BNC2: variants seen among roughly 807,000 people sequenced by gnomAD.
The protein encoded by BNC2 is zinc finger protein basonuclin-2.
In BNC2, 20 loss-of-function variants were observed where a neutral mutation model predicts 76.3. The observed-to-expected ratio is 0.26, with a 90% CI of 0.18 to 0.38. The LOEUF (loss-of-function observed/expected upper bound fraction) is 0.38, where lower values mean the gene tolerates loss of function less well. Ranked by LOEUF, BNC2 falls within the 10% of genes least tolerant of loss-of-function variation. BNC2 has a pLI of 1.00. For missense variants in BNC2, 1,382 were observed against 1,399.8 expected, an observed-to-expected ratio of 0.99 and a Z score of 0.20; for synonymous variants, 582 against 514.8, an observed-to-expected ratio of 1.13 and a Z score of -1.77.
At chr9:16,482,518 A>G (rs1587080575) in intron 5 of BNC2, among the ~76,000 whole-genome samples, 1 of 152,214 alleles carries the variant, frequency 6.6e-6, no homozygotes, top group Admixed American at 6.5e-5. Context: ...CTATTTTGAC[A>G]GTTTAAATTG....
intron 5 of BNC2, among the ~76,000 whole-genome samples, chr9:16,539,628 AGGG>A (rs1563830744): frequency 6.0e-4 from 22 of 36,884 alleles, no homozygotes; most frequent in African/African-American, 3.2e-3. Context: ...GAAGGGAGGG[AGGG>A]AGCGAGGGAG....
chr9:16,419,278 T>G lies in BNC2; in HGVS notation c.3011A>C (p.His1004Pro). ...AGGGAGGGCAGGGGCCTCGGCCTTG[T>G]GTGCCGACTCCCCACTGTCACTCGC... The part of the protein sequence containing the change: ...DGASDSGESA[H>P]KAEAPALPGS... Residue 1004 changes from histidine (H) to proline (P), a missense_variant, in exon 7 of 7, where the codon CAC becomes CCC. His to Pro is a moderately conservative substitution (Grantham distance 77). This residue lies in a region of BNC2 where 798 missense variants were observed against 775.5 expected (regional missense o/e 1.03). Coordinates refer to ENST00000380672, the MANE Select transcript of BNC2 (RefSeq NM_017637.6). 3 of 1,614,174 alleles carry G rather than the reference T, an allele frequency of 1.9e-6. No homozygotes were observed. Among genetic ancestry groups the G allele is most frequent in the Non-Finnish European group, 2.5e-6 (3 of 1,180,020 alleles).
chr9:16,858,697 T>A (rs904550717), intron 1 of BNC2, among the ~76,000 whole-genome samples: 4 of 149,210 alleles, frequency 2.7e-5, no homozygotes, highest in African/African-American at 9.7e-5. Flanking sequence ...TACAAAAAAA[T>A]TAGCCAGGCA....
chr9:16,665,434 A>AAAAGAAAG (rs56038950), intron 3 of BNC2, among the ~76,000 whole-genome samples: 7,328 of 116,048 alleles, frequency 0.063, 312 homozygotes, highest in Non-Finnish European at 0.079. Context: ...GAAAGGAAAG[A>AAAAGAAAG]AAAGAAAGAA....
intron 5 of BNC2, among the ~76,000 whole-genome samples, chr9:16,520,076 C>T (rs12345489): frequency 0.12 from 17,951 of 152,226 alleles, 3,199 homozygotes; most frequent in African/African-American, 0.38. Flanking sequence ...CATAATCTGA[C>T]TTCTGCAGGA....
At chr9:16,504,442 G>A (rs1350328785) in intron 5 of BNC2, among the ~76,000 whole-genome samples, 1 of 151,240 alleles carries the variant, frequency 6.6e-6, no homozygotes, top group Non-Finnish European at 1.5e-5. Flanking sequence ...GAACCTCTGT[G>A]ACATACTGAC....
chr9:16,703,188 T>A (rs2134606000), intron 3 of BNC2, among the ~76,000 whole-genome samples: 1 of 152,144 alleles, frequency 6.6e-6, no homozygotes, highest in Admixed American at 6.5e-5. Context: ...TTTCACAGTT[T>A]AAAAAAAGTG....
chr9:16,652,310 T>C lies in BNC2; in HGVS notation c.331-69225A>G, dbSNP rs1821815597. Among the ~76,000 whole-genome samples, 4 of 152,236 alleles carry C rather than the reference T, an allele frequency of 2.6e-5. No homozygotes were observed. In the South Asian group the frequency reaches 6.2e-4, roughly 24 times the overall value. On this transcript the variant is annotated intron_variant, in intron 3 of 6. Coordinates refer to ENST00000380672, the MANE Select transcript of BNC2 (RefSeq NM_017637.6). ...AACTCAATACTACACAGAGATCTCA[T>C]ACTATAAAAACAAGTAAAAACTAAC...
intron 5 of BNC2, among the ~76,000 whole-genome samples, chr9:16,550,044 C>G (rs975883932): frequency 6.6e-6 from 1 of 151,812 alleles, no homozygotes; most frequent in Non-Finnish European, 1.5e-5. Flanking sequence ...AATGAAAATG[C>G]TCTCTATAAG....
chr9:16,526,461 T>C (rs913633149), intron 5 of BNC2, among the ~76,000 whole-genome samples: 2 of 148,994 alleles, frequency 1.3e-5, no homozygotes, highest in Admixed American at 6.8e-5. Context: ...CCAACATAGT[T>C]TAATGCTTTT....
In BNC2 at chr9:16,540,546, A is replaced by G. The variant is rs1376547899; in HGVS notation, c.669+11984T>C. On this transcript the variant is annotated intron_variant, in intron 5 of 6. Transcript: ENST00000380672. The stretch of plus-strand genomic sequence containing the variant: ...CAAATCCTTAAAATAATTTTTGTGG[A>G]TAATTTTTCAATAGCCTTATAAGGC... Among the ~76,000 whole-genome samples the G allele has an allele frequency of 2.6e-5, 4 of 152,204 alleles. No individual in the cohort carries two copies. The East Asian group carries it at 7.7e-4, about 29-fold the overall frequency.
At chr9:16,746,431 T>C (rs1825006505) in intron 1 of BNC2, among the ~76,000 whole-genome samples, 1 of 151,952 alleles carries the variant, frequency 6.6e-6, no homozygotes, top group Admixed American at 6.5e-5. Flanking sequence ...TGGTCCAATC[T>C]CTGCTAACTG....
chr9:16,751,642 G>GTGTGTATATA (rs1563926912), intron 1 of BNC2, among the ~76,000 whole-genome samples: 8 of 4,320 alleles, frequency 1.9e-3, no homozygotes, highest in East Asian at 0.012. Context: ...ATGTATATAT[G>GTGTGTATATA]TATGTGTGTA....
At chr9:16,641,602 C>T (rs1016159772) in intron 3 of BNC2, among the ~76,000 whole-genome samples, 2 of 152,122 alleles carry the variant, frequency 1.3e-5, no homozygotes, top group Non-Finnish European at 2.9e-5. Flanking sequence ...ATAAAGTATT[C>T]GGATGCAAAT....
At chr9:16,737,648 T>C (rs4961744) in intron 2 of BNC2, among the ~76,000 whole-genome samples, 137,368 of 151,956 alleles carry the variant, frequency 0.9, 62,120 homozygotes, top group Non-Finnish European at 0.92. Flanking sequence ...AGACTATTTA[T>C]ATACATACAT....
rs71327866 is a variant in BNC2 at position 16,861,181 on chromosome 9, A to AATATATATAT, written c.3+9455_3+9464dup. Among the ~76,000 whole-genome samples the AATATATATAT allele has an allele frequency of 9.6e-4, 127 of 131,756 alleles. 2 individuals carry two copies. Among genetic ancestry groups the AATATATATAT allele is most frequent in the African/African-American group, 2.6e-3 (82 of 32,124 alleles). 86.4% of individuals were successfully genotyped at this position (131,756 alleles called of 152,430 possible). A position where few individuals can be genotyped will look rare whatever the true frequency, so the allele number is the denominator to read the frequency against. Reference sequence around the variant, plus strand: ...ACATGGTAATACCCTATCTCTACAAAATATATATATATATATATATAAATT... The same window carrying AATATATATAT: ...ACATGGTAATACCCTATCTCTACAAAATATATATATATATATATATATATATATATAAATT... On this transcript the variant is annotated intron_variant, in intron 1 of 6. Transcript: ENST00000380672.
intron 5 of BNC2, among the ~76,000 whole-genome samples, chr9:16,545,208 G>A (rs1818442090): frequency 6.6e-6 from 1 of 152,068 alleles, no homozygotes; most frequent in South Asian, 2.1e-4. Context: ...GGTTAGAAAG[G>A]GATTCTTCTC....
chr9:16,729,411 G>GA (rs1340971988), intron 2 of BNC2, among the ~76,000 whole-genome samples: 1 of 152,092 alleles, frequency 6.6e-6, no homozygotes, highest in African/African-American at 2.4e-5. Flanking sequence ...AACAACAAAA[G>GA]AAACAGAAAA....
chr9:16,635,376 A>G (rs1360015327), intron 3 of BNC2, among the ~76,000 whole-genome samples: 2 of 152,072 alleles, frequency 1.3e-5, no homozygotes, highest in African/African-American at 4.8e-5. Context: ...AATTTTATGT[A>G]TTTTTTTCTT....
Sources: gnomAD v4.1 joint callset for allele counts (sites outside exome capture counted in the v4.1 genomes callset) on GRCh38, gnomAD v4.1.1 for gene constraint, gnomAD v4.1.1 regional missense constraint, MANE v1.5 for transcripts, NCBI Gene and HGNC (gene_info 2026-07-23, HGNC 2026-07-21) for gene names.